Variants in CNTN5 observed in about 807,000 individuals in gnomAD.
The protein encoded by CNTN5 is contactin-5.
In CNTN5, 77 loss-of-function variants were observed where a neutral mutation model predicts 129.1. The observed-to-expected ratio is 0.60, with a 90% CI of 0.50 to 0.72. The LOEUF is 0.72. Among genes scored for constraint, CNTN5 ranks in the 30% least tolerant of loss-of-function variants. The probability of loss-of-function intolerance (pLI) is 0.00; values close to 1 mark genes in which losing one functional copy is unlikely to be tolerated. For synonymous variants in CNTN5, 509 were observed against 465.6 expected (o/e 1.09, Z -1.20); for missense variants, 1,478 against 1,328.8 (o/e 1.11, Z -1.75).
In CNTN5 at chr11:99,876,498, T is replaced by C. The variant is rs527426335; in HGVS notation, c.577+31236T>C. Among the ~76,000 whole-genome samples, 7 of 152,292 alleles carry C rather than the reference T, an allele frequency of 4.6e-5. No individual in the cohort carries two copies. In the East Asian group the frequency reaches 1.2e-3, roughly 25 times the overall value. On this transcript the variant is annotated intron_variant, in intron 6 of 24. Transcript: ENST00000524871. ...TTTCTCATGATCCAGCCGCACTATA[T>C]GTACCTGGAGTTGATGTTGCATTAA... is the stretch of plus-strand genomic sequence containing the variant.
intron 1 of CNTN5, among the ~76,000 whole-genome samples, chr11:99,029,353 T>G (rs930883751): frequency 4.6e-5 from 7 of 152,062 alleles, no homozygotes; most frequent in Admixed American, 1.3e-4. Flanking sequence ...GAATGTATAC[T>G]TCTAATAAAT....
intron 3 of CNTN5, among the ~76,000 whole-genome samples, chr11:99,660,126 G>C (rs1264243646): frequency 3.3e-5 from 5 of 151,992 alleles, no homozygotes; most frequent in Non-Finnish European, 7.4e-5. Context: ...TATAAAACCT[G>C]AATCTATAAA....
At chr11:100,317,416 G>A (rs1239374265) in intron 21 of CNTN5, among the ~76,000 whole-genome samples, 7 of 152,124 alleles carry the variant, frequency 4.6e-5, no homozygotes, top group Non-Finnish European at 8.8e-5. Flanking sequence ...GTGGGTAGCC[G>A]CCATTTTACA....
At chr11:99,356,664 TAA>T in intron 2 of CNTN5, among the ~76,000 whole-genome samples, 2 of 152,300 alleles carry the variant, frequency 1.3e-5, no homozygotes, top group Middle Eastern at 3.4e-3. Flanking sequence ...CCAGAATGAT[TAA>T]GAGTCAATAA....
intron 6 of CNTN5, among the ~76,000 whole-genome samples, chr11:99,887,523 T>C (rs1199978949): frequency 2.6e-5 from 4 of 152,172 alleles, no homozygotes; most frequent in Non-Finnish European, 5.9e-5. Context: ...AAGGGGAGTT[T>C]ATTAAGGAGT....
intron 1 of CNTN5, among the ~76,000 whole-genome samples, chr11:99,069,454 G>A (rs1954819): frequency 0.073 from 11,082 of 152,102 alleles, 993 homozygotes; most frequent in East Asian, 0.46. Flanking sequence ...AGGTCAGATT[G>A]CTGGATGTCT....
At chr11:99,553,110 G>T (rs1455755219) in intron 2 of CNTN5, among the ~76,000 whole-genome samples, 1 of 152,056 alleles carries the variant, frequency 6.6e-6, no homozygotes, top group Non-Finnish European at 1.5e-5. Context: ...GCCAAGAAAT[G>T]GGATGTCATT....
chr11:100,070,614 C>T (rs991734452), intron 11 of CNTN5, 54 bp downstream of exon 11: 173 of 1,558,098 alleles, frequency 1.1e-4, no homozygotes, highest in Non-Finnish European at 1.4e-4. Context: ...AGATTTCACA[C>T]AGGACAAACT....
intron 1 of CNTN5, among the ~76,000 whole-genome samples, chr11:99,320,067 C>A (rs1365349251): frequency 6.6e-6 from 1 of 152,046 alleles, no homozygotes; most frequent in Non-Finnish European, 1.5e-5. Context: ...TAGTGAAACA[C>A]CGTCTCTACT....
chr11:99,588,153 C>G (rs570114663), intron 3 of CNTN5, among the ~76,000 whole-genome samples: 1 of 152,184 alleles, frequency 6.6e-6, no homozygotes, highest in South Asian at 2.1e-4. Context: ...ACCATCCTGG[C>G]TAACACGGTG....
chr11:99,229,546 C>T (rs1178057215), intron 1 of CNTN5, among the ~76,000 whole-genome samples: 1 of 129,086 alleles, frequency 7.7e-6, no homozygotes, highest in Admixed American at 7.7e-5. Flanking sequence ...AAAAAAAGGA[C>T]ACAGCAGGAG....
chr11:99,082,493 A>G (rs1865844648), intron 1 of CNTN5, among the ~76,000 whole-genome samples: 1 of 152,172 alleles, frequency 6.6e-6, no homozygotes, highest in South Asian at 2.1e-4. Flanking sequence ...AAAAACAGAT[A>G]TTTAAAATGT....
At chr11:99,056,988 C>T (rs1300039889) in intron 1 of CNTN5, among the ~76,000 whole-genome samples, 1 of 151,996 alleles carries the variant, frequency 6.6e-6, no homozygotes, top group Non-Finnish European at 1.5e-5. Context: ...GTTCTCAACT[C>T]ACCTGGAATA....
At chr11:99,344,087 C>T (rs1388574613) in intron 2 of CNTN5, among the ~76,000 whole-genome samples, 1 of 152,166 alleles carries the variant, frequency 6.6e-6, no homozygotes. Flanking sequence ...ACTAAGCACA[C>T]CCAGCCCCAC....
chr11:99,678,706 T>C (rs546774351), intron 3 of CNTN5, among the ~76,000 whole-genome samples: 2 of 152,114 alleles, frequency 1.3e-5, no homozygotes, highest in South Asian at 2.1e-4. Context: ...GAGAAAGTTA[T>C]CTGTAAAAGG....
intron 3 of CNTN5, among the ~76,000 whole-genome samples, chr11:99,595,183 A>G (rs1377363402): frequency 6.6e-6 from 1 of 152,170 alleles, no homozygotes; most frequent in Non-Finnish European, 1.5e-5. Flanking sequence ...AATGTACTGT[A>G]TATTTCAAGA....
At chr11:99,506,430 G>A (rs573754719) in intron 2 of CNTN5, among the ~76,000 whole-genome samples, 1 of 152,026 alleles carries the variant, frequency 6.6e-6, no homozygotes, top group South Asian at 2.1e-4. Context: ...TTAAACGAAG[G>A]CAGGTTCACA....
intron 3 of CNTN5, among the ~76,000 whole-genome samples, chr11:99,724,679 G>C (rs1453454022): frequency 6.6e-6 from 1 of 152,158 alleles, no homozygotes; most frequent in Non-Finnish European, 1.5e-5. Context: ...TTGACTAAGA[G>C]ATACTACCTT....
rs180814123 is a variant in CNTN5 at position 99,168,104 on chromosome 11, G to A, written c.-210+146834G>A. Among the ~76,000 whole-genome samples the A allele has an allele frequency of 5.7e-3, 867 of 151,890 alleles. 7 individuals are homozygous for A. Among genetic ancestry groups the A allele is most frequent in the African/African-American group, 0.02 (823 of 41,450 alleles). Reference sequence around the variant, plus strand: ...ACTACAAGCACACACCACCATGCCCGGCTATTTTTTAATATTTTTTGTAGC... The same window carrying A: ...ACTACAAGCACACACCACCATGCCCAGCTATTTTTTAATATTTTTTGTAGC... On this transcript the variant is annotated intron_variant, in intron 1 of 24. Transcript: ENST00000524871.
Sources: allele counts gnomAD v4.1 joint callset (sites outside exome capture counted in the v4.1 genomes callset), GRCh38; gene constraint gnomAD v4.1.1; transcripts MANE v1.5; gene names NCBI Gene and HGNC (gene_info 2026-07-23, HGNC 2026-07-21).